MKNK2: variants seen among roughly 807,000 people sequenced by gnomAD.
MKNK2 encodes MAPK interacting serine/threonine kinase 2, also known as MAP kinase-interacting serine/threonine-protein kinase 2.
In MKNK2, 54 loss-of-function variants were observed where a neutral mutation model predicts 55.0. That is an observed-to-expected ratio of 0.98 (90% CI 0.79 to 1.23). The LOEUF is 1.23. Among genes scored for constraint, MKNK2 ranks in the 50% most tolerant of loss-of-function variants. The pLI is 0.00. For synonymous variants in MKNK2, 323 were observed against 256.0 expected, an observed-to-expected ratio of 1.26 and a Z score of -2.50; for missense variants, 685 against 632.1, an observed-to-expected ratio of 1.08 and a Z score of -0.90.
At chr19:2,049,234 A>G (rs759339082) in intron 2 of MKNK2, among the ~76,000 whole-genome samples, 4 of 152,160 alleles carry the variant, frequency 2.6e-5, no homozygotes, top group Non-Finnish European at 5.9e-5. Flanking sequence ...TCAGAGCCTC[A>G]CTTTCCCATC....
intron 12 of MKNK2, chr19:2,040,542 C>A (rs1234422659): frequency 3.1e-6 from 1 of 320,210 alleles, no homozygotes; most frequent in African/African-American, 2.1e-5. Context: ...ATTGGAGGCC[C>A]CCAGCCCCTC....
chr19:2,037,919 G>T lies in MKNK2; in HGVS notation c.*1694C>A. 1 of 1,402,316 alleles carries T rather than the reference G, an allele frequency of 7.1e-7. No homozygotes were observed. The highest frequency in any genetic ancestry group is 1.6e-5 in the South Asian group (1 of 62,852). 86.9% of individuals were successfully genotyped at this position (1,402,316 alleles called of 1,614,324 possible). On this transcript the variant is annotated 3_prime_UTR_variant, in exon 14 of 14. Coordinates refer to ENST00000250896, the MANE Select transcript of MKNK2 (RefSeq NM_199054.3). Reference sequence around the variant, plus strand: ...TGGCTATGGGCGCCTGCAGCGGGCGGGGGTCCATTTGCTTGTTCTTTGATA... The same window carrying T: ...TGGCTATGGGCGCCTGCAGCGGGCGTGGGTCCATTTGCTTGTTCTTTGATA...
At chr19:2,041,638 A>T (rs1036297994) in intron 11 of MKNK2, among the ~76,000 whole-genome samples, 2 of 151,602 alleles carry the variant, frequency 1.3e-5, no homozygotes, top group Non-Finnish European at 1.5e-5. Flanking sequence ...GCAGGTCCCC[A>T]GGGGTTAGGG....
chr19:2,050,742 C>A (rs2017097985), intron 2 of MKNK2, 59 bp downstream of exon 2: 2 of 1,484,650 alleles, frequency 1.3e-6, no homozygotes, highest in Non-Finnish European at 1.8e-6. Context: ...CCGCGCCCCC[C>A]ACGCCGGCCA....
At chr19:2,042,385 G>C (rs752227392) in intron 10 of MKNK2, 42 bp downstream of exon 10, 46 of 1,525,152 alleles carry the variant, frequency 3.0e-5, no homozygotes, top group Non-Finnish European at 3.8e-5. Context: ...TGCAACCGCA[G>C]AGCAGGCGGC....
In MKNK2 at chr19:2,038,158, A is replaced by G; in HGVS notation, c.*1455T>C. The G allele has an allele frequency of 9.6e-7, 1 of 1,039,936 alleles. No individual in the cohort carries two copies. The highest frequency in any genetic ancestry group is 1.2e-6 in the Non-Finnish European group (1 of 867,048). The allele number at this position is 1,039,936 out of a possible 1,614,324, so 64.4% of individuals were successfully genotyped here. A position where few individuals can be genotyped will look rare whatever the true frequency, so the allele number is the denominator to read the frequency against. On this transcript the variant is annotated 3_prime_UTR_variant, in exon 14 of 14. Transcript: ENST00000250896. ...GAGATTCAGGAGGGGCAGCAGGGCC[A>G]GGCAGACGGTCTCCGAGGCCCCCAC...
chr19:2,042,940 AC>A (rs2145687895), intron 7 of MKNK2, 70 bp from the exon 8 acceptor site: 2 of 1,466,242 alleles, frequency 1.4e-6, no homozygotes, highest in Non-Finnish European at 1.9e-6. Context: ...CAAGGCCAGC[AC>A]CCACCTCCAC....
At position 2,038,332 on chromosome 19, in the gene MKNK2, G is replaced by A; in HGVS notation, c.*1281C>T. The A allele has an allele frequency of 1.0e-6, 1 of 986,698 alleles. No individual in the cohort carries two copies. Among genetic ancestry groups the A allele is most frequent in the Non-Finnish European group, 1.2e-6 (1 of 830,496 alleles). The allele number at this position is 986,698 out of a possible 1,614,324, so 61.1% of individuals were successfully genotyped here. On this transcript the variant is annotated 3_prime_UTR_variant, in exon 14 of 14. Transcript: ENST00000250896. ...AGAAGCCAGAGGGGCTGCCCCAGCT[G>A]TGGAGCTCGGGGGCTGCGCCGGGAA...
At chr19:2,043,049 G>T in intron 7 of MKNK2, 75 bp downstream of exon 7, 1 of 1,372,126 alleles carries the variant, frequency 7.3e-7, no homozygotes, top group African/African-American at 1.4e-5. Context: ...GCCCCCTCCT[G>T]CAGGTGGCAC....
chr19:2,039,316 G>A lies in MKNK2; in HGVS notation c.*297C>T, dbSNP rs2145681977. The stretch of plus-strand genomic sequence containing the variant: ...GGGGGCACCTTCATAGTAGAGGTGA[G>A]CAGGGCGGGGGACCGGGGAGGGGAC... On this transcript the variant is annotated 3_prime_UTR_variant, in exon 14 of 14. Coordinates refer to ENST00000250896, the MANE Select transcript of MKNK2 (RefSeq NM_199054.3). 1 of 1,276,652 alleles carries A rather than the reference G, an allele frequency of 7.8e-7. No homozygotes were observed. Among genetic ancestry groups the A allele is most frequent in the Non-Finnish European group, 9.9e-7 (1 of 1,006,654 alleles). 79.1% of individuals were successfully genotyped at this position (1,276,652 alleles called of 1,614,324 possible). A position where few individuals can be genotyped will look rare whatever the true frequency, so the allele number is the denominator to read the frequency against.
chr19:2,041,831 C>T lies in MKNK2; in HGVS notation c.945+9G>A, dbSNP rs1184590460. 6.6e-7 allele frequency: 1 copy of T among 1,508,040 alleles called. No homozygotes were observed. Among genetic ancestry groups the T allele is most frequent in the Non-Finnish European group, 8.9e-7 (1 of 1,128,546 alleles). 93.4% of individuals were successfully genotyped at this position (1,508,040 alleles called of 1,614,324 possible). A position where few individuals can be genotyped will look rare whatever the true frequency, so the allele number is the denominator to read the frequency against. On this transcript the variant is annotated intron_variant, in intron 11 of 13. Coordinates refer to ENST00000250896, the MANE Select transcript of MKNK2 (RefSeq NM_199054.3). ...TGCCCAGGAGAGGAGGGTGCGCGGGCCGCCGCACCTGGCAGGCAGGGCAGG... is the reference window on the plus strand; with the variant it reads ...TGCCCAGGAGAGGAGGGTGCGCGGGTCGCCGCACCTGGCAGGCAGGGCAGG...
chr19:2,043,510 C>G lies in MKNK2; in HGVS notation c.412G>C (p.Gly138Arg). 1.2e-6 allele frequency: 2 copies of G among 1,613,850 alleles called. No individual in the cohort carries two copies. Among genetic ancestry groups the G allele is most frequent in the Non-Finnish European group, 1.7e-6 (2 of 1,179,802 alleles). ...CAAGGGTGGCTCACCTACCTGTGTCCCTGGCACTGGTACAGCATCTCCACC... is the reference window on the plus strand; with the variant it reads ...CAAGGGTGGCTCACCTACCTGTGTCGCTGGCACTGGTACAGCATCTCCACC... ...REVEMLYQCQ[G>R]HRNVLELIEF... The change falls in exon 6 of 14, where the codon GGA becomes CGA. Residue 138 changes from glycine (G) to arginine (R), a missense_variant. Physicochemically the swap from Gly to Arg is moderately radical, Grantham distance 125. Transcript: ENST00000250896.
chr19:2,049,163 C>G (rs970571609), intron 2 of MKNK2, among the ~76,000 whole-genome samples: 1 of 152,172 alleles, frequency 6.6e-6, no homozygotes, highest in Non-Finnish European at 1.5e-5. Context: ...CCAGGCACCA[C>G]GAGACTCCGC....
rs748298907 is a variant in MKNK2, at chr19:2,039,669, G to A, written c.1342C>T (p.Arg448Trp). 32 of 1,613,036 alleles carry A rather than the reference G, an allele frequency of 2.0e-5. No individual in the cohort carries two copies. Among genetic ancestry groups the A allele is most frequent in the Admixed American group, 3.3e-5 (2 of 59,998 alleles). ...GCCGAGGACAGACTGGCCCTTTGCCGCCGCTGCGCCAGCTTGGACTGGGAG... is the reference window on the plus strand; with the variant it reads ...GCCGAGGACAGACTGGCCCTTTGCCACCGCTGCGCCAGCTTGGACTGGGAG... ...PPSQSKLAQRRQRASLSSAPV... is the reference protein window; with the variant it reads ...PPSQSKLAQRWQRASLSSAPV... The change falls in exon 14 of 14, where the codon CGG (arginine) becomes TGG (tryptophan). Residue 448 changes from arginine to tryptophan, a missense_variant. Arg to Trp is a moderately radical substitution (Grantham distance 101, BLOSUM62 -3). Coordinates refer to ENST00000250896, the MANE Select transcript of MKNK2 (RefSeq NM_199054.3).
chr19:2,039,949 C>T (rs2016839892), intron 13 of MKNK2, 93 bp from the exon 14 acceptor site: 3 of 1,457,416 alleles, frequency 2.1e-6, no homozygotes, highest in Non-Finnish European at 2.8e-6. Context: ...GGGCTTCATG[C>T]CCCCCTCCCA....
At position 2,051,197 on chromosome 19, in the gene MKNK2, C is replaced by T. The variant is rs1190877214; in HGVS notation, c.-198G>A. 6.5e-6 allele frequency: 1 copy of T among 154,772 alleles called. No homozygotes were observed. Among genetic ancestry groups the T allele is most frequent in the African/African-American group, 2.4e-5 (1 of 41,364 alleles). 9.6% of individuals were successfully genotyped at this position (154,772 alleles called of 1,614,324 possible). A position where few individuals can be genotyped will look rare whatever the true frequency, so the allele number is the denominator to read the frequency against. ...GCGCGGGGAACAGCGCCGCCGCCGC[C>T]GCCAGCGCGGACCCCTCTACCTGGG... On this transcript the variant is annotated 5_prime_UTR_variant, in exon 1 of 14. Coordinates refer to ENST00000250896, the MANE Select transcript of MKNK2 (RefSeq NM_199054.3).
chr19:2,043,562 G>A lies in MKNK2; in HGVS notation c.360C>T (p.Gly120=), dbSNP rs1167864775. The A allele has an allele frequency of 5.0e-6, 8 of 1,614,072 alleles. No individual in the cohort carries two copies. The highest frequency in any genetic ancestry group is 6.8e-6 in the Non-Finnish European group (8 of 1,179,994). The change falls in exon 6 of 14, where the codon GGC becomes GGT. Residue 120 remains glycine, a synonymous_variant. Coordinates refer to ENST00000250896, the MANE Select transcript of MKNK2 (RefSeq NM_199054.3). The part of the protein sequence containing the change: ...YAVKIIEKQP[G]HIRSRVFREV... ...CCCTGAAAACCCTGCTCCGAATGTG[G>A]CCTGGCTGCTTCTCAATGATCTGAA...
intron 5 of MKNK2, among the ~76,000 whole-genome samples, chr19:2,044,713 G>A (rs1427082666): frequency 1.3e-5 from 2 of 152,236 alleles, no homozygotes; most frequent in East Asian, 1.9e-4. Flanking sequence ...ACAACTGGAC[G>A]CCAGGGTGTC....
chr19:2,050,136 G>C (rs1432226142), intron 2 of MKNK2, among the ~76,000 whole-genome samples: 1 of 152,048 alleles, frequency 6.6e-6, no homozygotes, highest in African/African-American at 2.4e-5. Context: ...CCCAAGATTT[G>C]CTCATCTGAA....
Sources: gnomAD v4.1 joint callset for allele counts (sites outside exome capture counted in the v4.1 genomes callset) on GRCh38, gnomAD v4.1.1 for gene constraint, MANE v1.5 for transcripts, NCBI Gene and HGNC (gene_info 2026-07-23, HGNC 2026-07-21) for gene names.